Variants in LUZP2 observed in about 807,000 individuals in gnomAD.
LUZP2 encodes the protein leucine zipper protein 2.
In LUZP2, 52 loss-of-function variants were observed where a neutral mutation model predicts 51.6. That is an observed-to-expected ratio of 1.01 (90% CI 0.81 to 1.27). The LOEUF is 1.27. Among genes scored for constraint, LUZP2 ranks in the 50% most tolerant of loss-of-function variants. The pLI is 0.00. For missense variants in LUZP2, 436 were observed against 395.4 expected (o/e 1.10, Z -0.87); for synonymous variants, 154 against 137.3 (o/e 1.12, Z -0.85).
At chr11:25,054,898 C>A (rs775234321) in intron 10 of LUZP2, among the ~76,000 whole-genome samples, 1 of 150,310 alleles carries the variant, frequency 6.7e-6, no homozygotes, top group Admixed American at 6.6e-5. Flanking sequence ...ATTCTGAGTC[C>A]CTTACATTTC....
intron 1 of LUZP2, among the ~76,000 whole-genome samples, chr11:24,679,967 C>T (rs1856679355): frequency 6.6e-6 from 1 of 152,124 alleles, no homozygotes; most frequent in Admixed American, 6.5e-5. Flanking sequence ...TCCTTGGATA[C>T]CCTGCCTTCT....
chr11:24,845,247 G>A (rs1045243806), intron 5 of LUZP2, among the ~76,000 whole-genome samples: 13 of 152,218 alleles, frequency 8.5e-5, no homozygotes, highest in Non-Finnish European at 1.5e-4. Flanking sequence ...GAGACATGAA[G>A]TCAAAGGAGA....
chr11:24,808,068 GT>G (rs1367341797), intron 5 of LUZP2, among the ~76,000 whole-genome samples: 4 of 152,156 alleles, frequency 2.6e-5, no homozygotes, highest in Non-Finnish European at 5.9e-5. Flanking sequence ...GAAATAAAAT[GT>G]AAATAATAGT....
intron 10 of LUZP2, among the ~76,000 whole-genome samples, chr11:25,068,161 T>C (rs1242012740): frequency 6.6e-6 from 1 of 151,704 alleles, no homozygotes; most frequent in African/African-American, 2.4e-5. Context: ...ACTGGGGGCC[T>C]GTTGGGGGCT....
At chr11:24,978,488 C>T (rs181989428) in intron 8 of LUZP2, among the ~76,000 whole-genome samples, 32 of 151,812 alleles carry the variant, frequency 2.1e-4, no homozygotes, top group African/African-American at 7.2e-4. Flanking sequence ...TTGTTACCCT[C>T]TCTGGTTCTT....
chr11:24,538,607 T>A (rs890191049), intron 1 of LUZP2, among the ~76,000 whole-genome samples: 8 of 151,178 alleles, frequency 5.3e-5, no homozygotes, highest in African/African-American at 1.9e-4. Flanking sequence ...ACAAAACTAT[T>A]CTACAAAATA....
intron 1 of LUZP2, among the ~76,000 whole-genome samples, chr11:24,577,603 A>T (rs1456046471): frequency 1.3e-5 from 2 of 152,004 alleles, no homozygotes; most frequent in African/African-American, 4.8e-5. Context: ...AAATAAAAAG[A>T]GGAAAAAGAA....
At chr11:24,583,361 CT>C (rs1229687278) in intron 1 of LUZP2, among the ~76,000 whole-genome samples, 1 of 152,062 alleles carries the variant, frequency 6.6e-6, no homozygotes, top group East Asian at 1.9e-4. Flanking sequence ...GGGCTCTGTT[CT>C]TTTTACACAG....
intron 1 of LUZP2, among the ~76,000 whole-genome samples, chr11:24,558,814 T>C (rs1421537689): frequency 6.6e-6 from 1 of 152,192 alleles, no homozygotes; most frequent in Non-Finnish European, 1.5e-5. Flanking sequence ...TTTTGCCATG[T>C]AAGAGCAGAC....
intron 1 of LUZP2, among the ~76,000 whole-genome samples, chr11:24,638,544 G>A (rs1300617332): frequency 6.6e-6 from 1 of 151,588 alleles, no homozygotes; most frequent in Non-Finnish European, 1.5e-5. Flanking sequence ...AAAGTATACA[G>A]TATTTACTAC....
rs747252878 is a variant in LUZP2 at position 24,710,480 on chromosome 11, T to C, written c.63-18689T>C. Among the ~76,000 whole-genome samples, 12 of 152,182 alleles carry C rather than the reference T, an allele frequency of 7.9e-5. 1 individual carries two copies. In the East Asian group the frequency reaches 2.3e-3, roughly 29 times the overall value. Reference sequence around the variant, plus strand: ...CTAGTGAAATGGGTTTCTGTATAGATACATGAAGTTAATAAAAAAACTAAC... The same window carrying C: ...CTAGTGAAATGGGTTTCTGTATAGACACATGAAGTTAATAAAAAAACTAAC... On this transcript the variant is annotated intron_variant, in intron 1 of 11. Transcript: ENST00000336930.
chr11:24,748,604 C>T (rs568771856), intron 4 of LUZP2, among the ~76,000 whole-genome samples: 2 of 152,078 alleles, frequency 1.3e-5, no homozygotes, highest in East Asian at 1.9e-4. Context: ...GGACTACTGG[C>T]GCGTGCCACC....
intron 7 of LUZP2, among the ~76,000 whole-genome samples, chr11:24,942,446 G>A (rs957321404): frequency 6.6e-6 from 1 of 152,070 alleles, no homozygotes; most frequent in Non-Finnish European, 1.5e-5. Context: ...ACATTTCCCT[G>A]AGAATGATGT....
At chr11:24,919,857 C>A (rs1853974231) in intron 7 of LUZP2, among the ~76,000 whole-genome samples, 2 of 151,020 alleles carry the variant, frequency 1.3e-5, no homozygotes, top group South Asian at 4.2e-4. Context: ...CCCATCAGTA[C>A]AATAATAACA....
chr11:24,686,195 T>C (rs1046909544), intron 1 of LUZP2, among the ~76,000 whole-genome samples: 1 of 144,930 alleles, frequency 6.9e-6, no homozygotes, highest in African/African-American at 2.6e-5. Context: ...ATGCTTTTGA[T>C]AGAATTTGAA....
chr11:24,827,694 A>T (rs1255392827), intron 5 of LUZP2, among the ~76,000 whole-genome samples: 1 of 152,152 alleles, frequency 6.6e-6, no homozygotes, highest in East Asian at 1.9e-4. Flanking sequence ...CTTGTGGTCT[A>T]TTATCAACTC....
At chr11:24,555,539 T>TC (rs756590909) in intron 1 of LUZP2, among the ~76,000 whole-genome samples, 3 of 152,172 alleles carry the variant, frequency 2.0e-5, no homozygotes, top group Non-Finnish European at 4.4e-5. Flanking sequence ...CTCTGGTACC[T>TC]CCACTAACTG....
chr11:24,526,993 A>G lies in LUZP2; in HGVS notation c.62+29688A>G, dbSNP rs149400563. Among the ~76,000 whole-genome samples, 6 of 151,470 alleles carry G rather than the reference A, an allele frequency of 4.0e-5. No homozygotes were observed. In the South Asian group the frequency reaches 8.3e-4, roughly 21 times the overall value. ...GAGGTAATCCCAGAGATTTTTGCCC[A>G]TTGTTAAACTCTGTGAGGAATCCAA... On this transcript the variant is annotated intron_variant, in intron 1 of 11. Transcript: ENST00000336930.
At position 24,922,825 on chromosome 11, in the gene LUZP2, C is replaced by CTTTT. The variant is rs1277388215; in HGVS notation, c.522+8295_522+8298dup. ...GGACTACCAAGTGGCACAGTTATAT[C>CTTTT]TTTTTTTTTTTCTTTTTTTTTTTTT... On this transcript the variant is annotated intron_variant, in intron 7 of 11. Transcript: ENST00000336930. Among the ~76,000 whole-genome samples, 57 of 44,618 alleles carry CTTTT rather than the reference C, an allele frequency of 1.3e-3. 10 individuals are homozygous for CTTTT. The highest frequency in any genetic ancestry group is 2.3e-3 in the African/African-American group (50 of 21,926). The allele number at this position is 44,618 out of a possible 152,430, so 29.3% of individuals were successfully genotyped here.
Sources: allele counts gnomAD v4.1 joint callset (sites outside exome capture counted in the v4.1 genomes callset), GRCh38; gene constraint gnomAD v4.1.1; transcripts MANE v1.5; gene names NCBI Gene and HGNC (gene_info 2026-07-23, HGNC 2026-07-21).